HNRNPA3: variants seen among roughly 807,000 people sequenced by gnomAD.
The protein encoded by HNRNPA3 is epididymis secretory sperm binding protein.
In HNRNPA3, 3 loss-of-function variants were observed where a neutral mutation model predicts 45.8. That is an observed-to-expected ratio of 0.07 (90% CI 0.03 to 0.17). The LOEUF is 0.17. Ranked by LOEUF, HNRNPA3 falls within the 10% of genes least tolerant of loss-of-function variation. The pLI, the probability that HNRNPA3 is intolerant of heterozygous loss-of-function variation, is 1.00. For missense variants in HNRNPA3, 183 were observed against 480.3 expected, an observed-to-expected ratio of 0.38 and a Z score of 5.79; for synonymous variants, 170 against 155.6, an observed-to-expected ratio of 1.09 and a Z score of -0.69.
Position 177,215,458 on chromosome 2 carries a change from CT to C in HNRNPA3, c.73-79del, listed in dbSNP as rs1574239711. 2.2e-6 allele frequency: 3 copies of C among 1,374,148 alleles called. No individual in the cohort carries two copies. In the Admixed American group the frequency reaches 5.6e-5, roughly 26 times the overall value. The allele number at this position is 1,374,148 out of a possible 1,614,324, so 85.1% of individuals were successfully genotyped here. ...CAGGAATTTGATGTTGATTTTATTA[CT>C]TACCGTACATTAAAGGCTCTTCGTG... On this transcript the variant is annotated intron_variant, in intron 1 of 10. Coordinates refer to ENST00000392524, the Ensembl canonical transcript of HNRNPA3.
intron 1 of HNRNPA3, among the ~76,000 whole-genome samples, chr2:177,214,760 A>G (rs1331875558): frequency 6.6e-6 from 1 of 152,170 alleles, no homozygotes; most frequent in Non-Finnish European, 1.5e-5. Context: ...GCGCCACTGC[A>G]CTCTAGCCTG....
intron 8 of HNRNPA3, among the ~76,000 whole-genome samples, chr2:177,218,223 G>A (rs923584047): frequency 1.3e-5 from 2 of 151,780 alleles, no homozygotes; most frequent in Admixed American, 1.3e-4. Context: ...CAGCACGCCC[G>A]GTTAATTTTT....
chr2:177,214,871 A>G (rs540554353), intron 1 of HNRNPA3, among the ~76,000 whole-genome samples: 1 of 152,332 alleles, frequency 6.6e-6, no homozygotes, highest in South Asian at 2.1e-4. Context: ...TAGATGCAAC[A>G]CTGCTTCTCC....
At chr2:177,220,858 T>A (rs1438150800), downstream of HNRNPA3, 1 of 152,648 alleles carries the variant, frequency 6.6e-6, no homozygotes, top group Admixed American at 6.5e-5. Context: ...GTCTACTGTT[T>A]TGCTCCAGCT....
At chr2:177,214,587 A>G (rs1688845601) in intron 1 of HNRNPA3, among the ~76,000 whole-genome samples, 1 of 152,178 alleles carries the variant, frequency 6.6e-6, no homozygotes, top group Non-Finnish European at 1.5e-5. Context: ...CGAGGTCAGG[A>G]GATCGAGACC....
chr2:177,216,286 G>GATT, intron 4 of HNRNPA3, 98 bp downstream of exon 4: 1 of 826,090 alleles, frequency 1.2e-6, no homozygotes, highest in Non-Finnish European at 1.9e-6. Flanking sequence ...TGCGTGTAAT[G>GATT]GCATTTATAG....
At chr2:177,214,935 C>A (rs996331749) in intron 1 of HNRNPA3, among the ~76,000 whole-genome samples, 1 of 152,178 alleles carries the variant, frequency 6.6e-6, no homozygotes, top group African/African-American at 2.4e-5. Context: ...AGTAAAGGTT[C>A]TCAGACAGTT....
chr2:177,216,211 T>C (rs775724248), intron 4 of HNRNPA3, 23 bp downstream of exon 4: 2 of 1,448,832 alleles, frequency 1.4e-6, no homozygotes, highest in Non-Finnish European at 1.9e-6. Flanking sequence ...TTATGGTAAC[T>C]TGAATGAGAA....
At chr2:177,215,936 T>G (rs956944077) in intron 3 of HNRNPA3, 40 bp downstream of exon 3, 2 of 1,596,614 alleles carry the variant, frequency 1.3e-6, no homozygotes, top group African/African-American at 1.4e-5. Context: ...GAAATTGTTG[T>G]GAAAGTTTGT....
intron 8 of HNRNPA3, among the ~76,000 whole-genome samples, 196 bp downstream of exon 8, chr2:177,218,041 C>T (rs1468061151): frequency 7.2e-6 from 1 of 138,798 alleles, no homozygotes. Context: ...ATGTACTCAG[C>T]TCTCTTTTTT....
At chr2:177,222,169 C>G (rs1689207034), downstream of HNRNPA3, 1 of 152,634 alleles carries the variant, frequency 6.6e-6, no homozygotes, top group Admixed American at 6.5e-5. Flanking sequence ...CCTGATGACA[C>G]CATTTGTTTC....
At chr2:177,213,278 C>T (rs1688767622) in intron 1 of HNRNPA3, among the ~76,000 whole-genome samples, 1 of 152,220 alleles carries the variant, frequency 6.6e-6, no homozygotes, top group Non-Finnish European at 1.5e-5. Context: ...CATTGATCCG[C>T]CGCCGCGTTA....
In HNRNPA3 at chr2:177,216,669, A is replaced by G. The variant is rs112749263; in HGVS notation, c.644-7A>G. 75 of 1,614,132 alleles carry G rather than the reference A, an allele frequency of 4.6e-5. 3 individuals carry two copies. The African/African-American group carries it at 5.2e-4, about 11-fold the overall frequency. On this transcript the variant is annotated splice_polypyrimidine_tract_variant and splice_region_variant and intron_variant, in intron 5 of 10. Transcript: ENST00000392524. Reference sequence around the variant, plus strand: ...GTTCTTAAAAATCTCCCTTGCCTGTATTAAAGGTCGTGGAGGTGGATCTGG... The same window carrying G: ...GTTCTTAAAAATCTCCCTTGCCTGTGTTAAAGGTCGTGGAGGTGGATCTGG...
chr2:177,223,203 T>G (rs1300517812), downstream of HNRNPA3: 1 of 152,218 alleles, frequency 6.6e-6, no homozygotes, highest in Non-Finnish European at 1.5e-5. Flanking sequence ...AGAACCCAAT[T>G]TCTACGCGTG....
intron 8 of HNRNPA3, among the ~76,000 whole-genome samples, chr2:177,218,338 A>G (rs574037784): frequency 6.6e-5 from 10 of 152,178 alleles, no homozygotes; most frequent in African/African-American, 2.4e-5. Flanking sequence ...CTGGGATTAC[A>G]GGCATGAGCC....
chr2:177,213,353 ATT>A, intron 1 of HNRNPA3, among the ~76,000 whole-genome samples: 1 of 152,246 alleles, frequency 6.6e-6, no homozygotes, highest in African/African-American at 2.4e-5. Flanking sequence ...CGAGCCTGGG[ATT>A]GGAGGGAAGA....
intron 4 of HNRNPA3, 33 bp downstream of exon 4, chr2:177,216,221 AAGT>A (rs776298475): frequency 2.2e-6 from 3 of 1,382,702 alleles, no homozygotes; most frequent in South Asian, 1.2e-5. Flanking sequence ...TTGAATGAGA[AAGT>A]AGAACTGGTT....
chr2:177,222,803 A>T (rs558625578), downstream of HNRNPA3: 37 of 152,726 alleles, frequency 2.4e-4, no homozygotes, highest in African/African-American at 8.7e-4. Context: ...ACCAGATGTC[A>T]TGGGTAAAGG....
intron 8 of HNRNPA3, among the ~76,000 whole-genome samples, chr2:177,218,417 T>C (rs1014422355): frequency 1.3e-5 from 2 of 152,210 alleles, no homozygotes; most frequent in Non-Finnish European, 2.9e-5. Context: ...CAGTATTCAG[T>C]ACATGTTTTA....
Sources: allele counts gnomAD v4.1 joint callset (sites outside exome capture counted in the v4.1 genomes callset), GRCh38; gene constraint gnomAD v4.1.1; transcripts MANE v1.5; gene names NCBI Gene and HGNC (gene_info 2026-07-23, HGNC 2026-07-21).